Variants in TENM2 observed in about 807,000 individuals in gnomAD.
The protein encoded by TENM2 is teneurin-2.
In TENM2, 52 loss-of-function variants were observed where a neutral mutation model predicts 245.2. The ratio of observed to expected loss-of-function variants is 0.21; its 90% CI spans 0.17 to 0.27. The LOEUF (loss-of-function observed/expected upper bound fraction) is 0.27, where lower values mean the gene tolerates loss of function less well. Ranked by LOEUF, TENM2 falls within the 10% of genes least tolerant of loss-of-function variation. The pLI, the probability that TENM2 is intolerant of heterozygous loss-of-function variation, is 1.00. For missense variants in TENM2, 3,046 were observed against 3,666.8 expected, an observed-to-expected ratio of 0.83 and a Z score of 4.37; for synonymous variants, 1,363 against 1,438.9, an observed-to-expected ratio of 0.95 and a Z score of 1.19.
intron 5 of TENM2, among the ~76,000 whole-genome samples, chr5:168,022,060 G>A (rs1387731921): frequency 6.6e-6 from 1 of 152,124 alleles, no homozygotes; most frequent in Non-Finnish European, 1.5e-5. Flanking sequence ...GATCATTTTA[G>A]GAATCTTTCT....
intron 3 of TENM2, among the ~76,000 whole-genome samples, chr5:167,905,461 T>C (rs1776020386): frequency 6.6e-6 from 1 of 152,188 alleles, no homozygotes; most frequent in Admixed American, 6.5e-5. Context: ...TGTCAGTAGC[T>C]GGGCTAAGGC....
chr5:167,615,241 G>A (rs921524888), intron 2 of TENM2, among the ~76,000 whole-genome samples: 1 of 152,014 alleles, frequency 6.6e-6, no homozygotes, highest in Non-Finnish European at 1.5e-5. Flanking sequence ...TTTTCTATAT[G>A]TTTAGAAATA....
At chr5:168,068,447 G>T (rs927086100) in intron 7 of TENM2, among the ~76,000 whole-genome samples, 1 of 152,124 alleles carries the variant, frequency 6.6e-6, no homozygotes, top group African/African-American at 2.4e-5. Flanking sequence ...ATAAAAAGAC[G>T]AAAGTGATAG....
the TENM2 span, among the ~76,000 whole-genome samples, chr5:167,251,440 C>A: frequency 6.6e-6 from 1 of 152,042 alleles, no homozygotes; most frequent in African/African-American, 2.4e-5. Flanking sequence ...ATCTATTATG[C>A]TTTTAGATAA....
chr5:167,081,572 A>T, the TENM2 span, among the ~76,000 whole-genome samples: 1 of 152,200 alleles, frequency 6.6e-6, no homozygotes, highest in African/African-American at 2.4e-5. Context: ...GCAAAGGAGA[A>T]AGCATCTGAA....
intron 7 of TENM2, among the ~76,000 whole-genome samples, chr5:168,080,979 A>G (rs1005787484): frequency 6.6e-6 from 1 of 152,006 alleles, no homozygotes; most frequent in East Asian, 1.9e-4. Context: ...CAATTCCTGG[A>G]TATCCTTGTT....
At chr5:168,060,101 G>T (rs1222151489) in intron 6 of TENM2, among the ~76,000 whole-genome samples, 18 of 151,982 alleles carry the variant, frequency 1.2e-4, no homozygotes. Flanking sequence ...ACATTTAAAA[G>T]TTCATGCTGG....
chr5:167,083,480 T>C, the TENM2 span, among the ~76,000 whole-genome samples: 5 of 152,178 alleles, frequency 3.3e-5, no homozygotes, highest in Non-Finnish European at 7.4e-5. Context: ...TTTAGATTTA[T>C]GTGATTACAT....
At chr5:167,195,819 A>G in the TENM2 span, among the ~76,000 whole-genome samples, 24 of 152,030 alleles carry the variant, frequency 1.6e-4, no homozygotes, top group African/African-American at 5.5e-4. Flanking sequence ...AGGGCTATTT[A>G]TGCTTTATTT....
Position 168,092,137 on chromosome 5 carries a change from T to C in TENM2, c.1711+1368T>C, listed in dbSNP as rs1393432577. 2.6e-5 allele frequency among the ~76,000 whole-genome samples: 4 copies of C among 152,352 alleles called. No individual in the cohort carries two copies. The East Asian group carries it at 5.8e-4, about 22-fold the overall frequency. On this transcript the variant is annotated intron_variant, in intron 8 of 28. Transcript: ENST00000518659. ...GGCTCCCTGACTCTTCAAAGAGCTA[T>C]GTAATCCAACCTGAAATTCAGGTGG...
the TENM2 span, among the ~76,000 whole-genome samples, chr5:167,066,255 G>C: frequency 1.3e-5 from 2 of 152,250 alleles, no homozygotes; most frequent in East Asian, 3.9e-4. Context: ...AAACCAAGGA[G>C]TAGGATGGGG....
At chr5:167,967,170 T>C (rs1169369960) in intron 4 of TENM2, 1 of 152,086 alleles carries the variant, frequency 6.6e-6, no homozygotes, top group East Asian at 1.9e-4. Flanking sequence ...TTTTTTTTCT[T>C]GGCAGATGGA....
intron 2 of TENM2, among the ~76,000 whole-genome samples, chr5:167,463,573 A>T (rs1766461444): frequency 6.6e-6 from 1 of 151,680 alleles, no homozygotes; most frequent in South Asian, 2.1e-4. Flanking sequence ...ATCTTGGCTC[A>T]GTGCAACCTC....
At chr5:167,512,762 G>T (rs965950851) in intron 2 of TENM2, among the ~76,000 whole-genome samples, 3 of 152,140 alleles carry the variant, frequency 2.0e-5, no homozygotes, top group African/African-American at 7.2e-5. Context: ...TCCATGGAAA[G>T]CAATTTAATT....
intron 2 of TENM2, among the ~76,000 whole-genome samples, chr5:167,381,943 T>C (rs545032081): frequency 6.6e-5 from 10 of 152,284 alleles, no homozygotes; most frequent in Admixed American, 2.0e-4. Context: ...TAAATCAAAT[T>C]ACAATCAATT....
At chr5:167,253,456 CA>C in the TENM2 span, among the ~76,000 whole-genome samples, 1 of 150,588 alleles carries the variant, frequency 6.6e-6, no homozygotes, top group Non-Finnish European at 1.5e-5. Context: ...AACAAACAAA[CA>C]AAAAAAAGTG....
intron 12 of TENM2, among the ~76,000 whole-genome samples, chr5:168,148,528 T>A (rs1220172097): frequency 6.6e-6 from 1 of 152,196 alleles, no homozygotes; most frequent in East Asian, 1.9e-4. Context: ...AAAAACTGTT[T>A]AAAAGAAAGT....
chr5:168,081,176 C>G (rs1791964955), intron 7 of TENM2, among the ~76,000 whole-genome samples: 2 of 152,118 alleles, frequency 1.3e-5, no homozygotes, highest in African/African-American at 4.8e-5. Context: ...ATCCCTTTAC[C>G]ATTATGTAAT....
chr5:167,960,280 T>G (rs1780900579), intron 4 of TENM2, among the ~76,000 whole-genome samples: 1 of 152,208 alleles, frequency 6.6e-6, no homozygotes, highest in Non-Finnish European at 1.5e-5. Flanking sequence ...TTAAGTCTGC[T>G]GAAGCTGTGC....
Sources: gnomAD v4.1 joint callset for allele counts (sites outside exome capture counted in the v4.1 genomes callset) on GRCh38, gnomAD v4.1.1 for gene constraint, MANE v1.5 for transcripts, NCBI Gene and HGNC (gene_info 2026-07-23, HGNC 2026-07-21) for gene names.